The following EPM2A variants were observed in gnomAD, a reference collection of about 807,000 sequenced individuals.
EPM2A encodes laforin.
A neutral mutation model predicts 26.5 loss-of-function variants in EPM2A; 21 were observed. The ratio of observed to expected loss-of-function variants is 0.79; its 90% CI spans 0.56 to 1.14. EPM2A has a LOEUF of 1.14. Ranked by LOEUF, EPM2A falls within the 50% of genes most tolerant of loss-of-function variation. The pLI is 0.00. For synonymous variants in EPM2A, 217 were observed against 177.6 expected (o/e 1.22, Z -1.76); for missense variants, 458 against 440.8 (o/e 1.04, Z -0.35).
chr6:145,518,754 C>T (rs956887951), intron 2 of EPM2A, among the ~76,000 whole-genome samples: 6 of 152,128 alleles, frequency 3.9e-5, no homozygotes, highest in Admixed American at 2.6e-4. Flanking sequence ...AATAATCCCG[C>T]TTCTATTCCT....
rs763572721 is a variant in EPM2A at position 145,551,422 on chromosome 6, A to G, written c.341-48847T>C. ...CACAGGAAGCAGTAGAAAAATTCCA[A>G]TGAAAGCCTAGTAAAAGGTTCCTTT... On this transcript the variant is annotated intron_variant, in intron 2 of 3. Coordinates refer to the EPM2A transcript ENST00000450221. Among the ~76,000 whole-genome samples the G allele has an allele frequency of 5.3e-5, 8 of 152,018 alleles. 1 individual carries two copies. Among genetic ancestry groups the G allele is most frequent in the Admixed American group, 3.9e-4 (6 of 15,226 alleles).
intron 2 of EPM2A, among the ~76,000 whole-genome samples, chr6:145,541,927 AC>A (rs1431958276): frequency 2.0e-5 from 3 of 152,162 alleles, no homozygotes; most frequent in East Asian, 1.9e-4. Context: ...AATTTTTCTT[AC>A]CTTTTTTTTA....
intron 4 of EPM2A, chr6:145,491,154 T>C: frequency 1.8e-5 from 10 of 540,912 alleles, no homozygotes; most frequent in South Asian, 1.5e-4. Flanking sequence ...CTGAGTTTTC[T>C]TTGTTCCTGA....
At chr6:145,535,283 C>T (rs1346335310) in intron 2 of EPM2A, among the ~76,000 whole-genome samples, 1 of 152,152 alleles carries the variant, frequency 6.6e-6, no homozygotes, top group African/African-American at 2.4e-5. Flanking sequence ...ATTCTGACAA[C>T]CCTCAAACAA....
At chr6:145,643,079 G>T (rs1409919253) in intron 2 of EPM2A, among the ~76,000 whole-genome samples, 1 of 152,106 alleles carries the variant, frequency 6.6e-6, no homozygotes, top group Non-Finnish European at 1.5e-5. Context: ...GAGAGAAGTG[G>T]ATAAGTTCAA....
At chr6:145,552,685 T>A (rs1780672132) in intron 2 of EPM2A, among the ~76,000 whole-genome samples, 2 of 152,116 alleles carry the variant, frequency 1.3e-5, no homozygotes, top group African/African-American at 2.4e-5. Context: ...AACCACTGAC[T>A]GTAAAACTAT....
intron 2 of EPM2A, among the ~76,000 whole-genome samples, chr6:145,571,222 C>T (rs575076877): frequency 2.4e-4 from 36 of 152,248 alleles, no homozygotes; most frequent in African/African-American, 7.9e-4. Context: ...AGAGCATACA[C>T]GGCCTCCTGG....
At chr6:145,662,660 C>A (rs964459716) in intron 2 of EPM2A, among the ~76,000 whole-genome samples, 2 of 152,072 alleles carry the variant, frequency 1.3e-5, no homozygotes. Flanking sequence ...GAGGATATAT[C>A]AGGGGTAAAT....
intron 2 of EPM2A, among the ~76,000 whole-genome samples, chr6:145,522,366 G>A (rs775858982): frequency 4.0e-5 from 6 of 151,778 alleles, no homozygotes; most frequent in Admixed American, 6.6e-5. Flanking sequence ...CATGTCCTGG[G>A]GTTAACTCAC....
chr6:145,447,869 TAAC>T (rs747582577), intron 4 of EPM2A, among the ~76,000 whole-genome samples: 3 of 152,128 alleles, frequency 2.0e-5, no homozygotes, highest in Non-Finnish European at 4.4e-5. Flanking sequence ...GATATAAACA[TAAC>T]AAATAAATGT....
At chr6:145,438,322 T>C (rs1484348748) in intron 4 of EPM2A, among the ~76,000 whole-genome samples, 5 of 152,166 alleles carry the variant, frequency 3.3e-5, no homozygotes, top group Admixed American at 6.5e-5. Context: ...TCCTGCTAAC[T>C]GTAATTGTGT....
At position 145,448,638 on chromosome 6, in the gene EPM2A, C is replaced by G. The variant is rs560217043; in HGVS notation, c.555+53884G>C. Among the ~76,000 whole-genome samples the G allele has an allele frequency of 1.2e-4, 18 of 152,186 alleles. 1 individual carries two copies. The highest frequency in any genetic ancestry group is 8.5e-4 in the Admixed American group (13 of 15,290). The stretch of plus-strand genomic sequence containing the variant: ...TTGAAAATAACAATAATTTGGTGCT[C>G]AATCAGCTACATCTACAGCTAGACC... On this transcript the variant is annotated intron_variant, in intron 4 of 4. Transcript: ENST00000638717.
At chr6:145,455,125 A>C (rs1779246349) in intron 4 of EPM2A, among the ~76,000 whole-genome samples, 1 of 152,168 alleles carries the variant, frequency 6.6e-6, no homozygotes. Context: ...ATATGTGGGC[A>C]TATGGAATTA....
intron 2 of EPM2A, among the ~76,000 whole-genome samples, chr6:145,647,870 A>G (rs1177819271): frequency 6.6e-6 from 1 of 152,224 alleles, no homozygotes; most frequent in African/African-American, 2.4e-5. Flanking sequence ...GTCTTATCCC[A>G]AGGATGTATG....
chr6:145,610,961 T>G (rs1003520405), intron 2 of EPM2A, among the ~76,000 whole-genome samples: 1 of 152,210 alleles, frequency 6.6e-6, no homozygotes, highest in African/African-American at 2.4e-5. Context: ...GAACTACTAC[T>G]AAACCAGTTT....
At chr6:145,477,470 T>TA (rs1339731027) in intron 4 of EPM2A, among the ~76,000 whole-genome samples, 4 of 151,132 alleles carry the variant, frequency 2.6e-5, no homozygotes, top group African/African-American at 9.7e-5. Flanking sequence ...AAAAGATACA[T>TA]AAAAAAAGAA....
intron 4 of EPM2A, among the ~76,000 whole-genome samples, chr6:145,425,082 T>C (rs1402035347): frequency 1.3e-5 from 2 of 149,464 alleles, no homozygotes; most frequent in African/African-American, 4.9e-5. Context: ...TTCTCATACA[T>C]AAAATTTCAA....
At chr6:145,721,335 CCTGAGCTAT>C (rs1450305449) in intron 1 of EPM2A, 1 of 152,178 alleles carries the variant, frequency 6.6e-6, no homozygotes, top group African/African-American at 2.4e-5. Context: ...GCACTACAGG[CCTGAGCTAT>C]CTGGACTTTG....
chr6:145,540,076 T>C (rs996324685), intron 2 of EPM2A, among the ~76,000 whole-genome samples: 3 of 152,168 alleles, frequency 2.0e-5, no homozygotes, highest in African/African-American at 7.2e-5. Flanking sequence ...TTGCCTAAAG[T>C]GACCCCCGCC....
Sources: allele counts gnomAD v4.1 joint callset (sites outside exome capture counted in the v4.1 genomes callset), GRCh38; gene constraint gnomAD v4.1.1; transcripts MANE v1.5; gene names NCBI Gene and HGNC (gene_info 2026-07-23, HGNC 2026-07-21).